The following EXT1 variants were observed in gnomAD, a reference collection of about 807,000 sequenced individuals.
EXT1 encodes the protein exostosin-1.
Under a neutral mutation model 82.5 loss-of-function variants are expected in EXT1, and 20 were observed. That is an observed-to-expected ratio of 0.24 (90% CI 0.17 to 0.35). EXT1 has a LOEUF of 0.35. Among genes scored for constraint, EXT1 ranks in the 10% least tolerant of loss-of-function variants. The probability of loss-of-function intolerance (pLI) is 1.00; values close to 1 mark genes in which losing one functional copy is unlikely to be tolerated. For missense variants in EXT1, 757 were observed against 936.5 expected (o/e 0.81, Z 2.50); for synonymous variants, 348 against 350.8 (o/e 0.99, Z 0.09).
At chr8:117,834,736 T>G (rs1355746074) in intron 3 of EXT1, among the ~76,000 whole-genome samples, 13 of 152,102 alleles carry the variant, frequency 8.5e-5, no homozygotes, top group Non-Finnish European at 1.9e-4. Context: ...AGATAAAGTG[T>G]ATGGTACAAC....
chr8:117,921,539 T>G (rs1813855052), intron 1 of EXT1, among the ~76,000 whole-genome samples: 3 of 152,198 alleles, frequency 2.0e-5, no homozygotes. Flanking sequence ...TCAGACAACT[T>G]CATGAGGTTA....
intron 8 of EXT1, among the ~76,000 whole-genome samples, chr8:117,810,807 TG>T (rs1225152064): frequency 6.6e-6 from 1 of 152,150 alleles, no homozygotes; most frequent in Non-Finnish European, 1.5e-5. Context: ...CTGCATCACC[TG>T]GTTGGGTTAG....
rs537240280 is a variant in EXT1, at chr8:118,031,806, C to T, written c.962+78279G>A. Among the ~76,000 whole-genome samples the T allele has an allele frequency of 1.4e-4, 21 of 152,144 alleles. No individual in the cohort carries two copies. In the South Asian group the frequency reaches 3.5e-3, roughly 26 times the overall value. Reference sequence around the variant, plus strand: ...TTAAATTTCAACCTGACCTTTAACGCCTCCTTATGACTCAGTGGTGTACTG... The same window carrying T: ...TTAAATTTCAACCTGACCTTTAACGTCTCCTTATGACTCAGTGGTGTACTG... On this transcript the variant is annotated intron_variant, in intron 1 of 10. Coordinates refer to ENST00000378204, the MANE Select transcript of EXT1 (RefSeq NM_000127.3).
chr8:117,806,143 C>G (rs1349883384), intron 9 of EXT1, among the ~76,000 whole-genome samples: 1 of 152,176 alleles, frequency 6.6e-6, no homozygotes. Flanking sequence ...CTTCCTGGTC[C>G]CAGGATCCCA....
Position 118,111,178 on chromosome 8 carries a change from G to A in EXT1, c.-132C>T, listed in dbSNP as rs1428024714. ...CAAACTCTCCGCTCCCACCTTCTCT[G>A]GATGCCTTTCCCCAAGCCGTGGACT... is the stretch of plus-strand genomic sequence containing the variant. On this transcript the variant is annotated 5_prime_UTR_variant, in exon 1 of 11. Transcript: ENST00000378204. 3 of 1,309,714 alleles carry A rather than the reference G, an allele frequency of 2.3e-6. No homozygotes were observed. The highest frequency in any genetic ancestry group is 3.2e-6 in the Non-Finnish European group (3 of 942,750). 81.1% of individuals were successfully genotyped at this position (1,309,714 alleles called of 1,614,324 possible).
chr8:118,097,890 A>G (rs375715958), intron 1 of EXT1, among the ~76,000 whole-genome samples: 3 of 152,202 alleles, frequency 2.0e-5, no homozygotes, highest in Non-Finnish European at 2.9e-5. Flanking sequence ...TAAATGTTCT[A>G]TATGAGCACA....
intron 1 of EXT1, among the ~76,000 whole-genome samples, chr8:117,945,514 A>G (rs976763472): frequency 7.9e-5 from 12 of 151,848 alleles, no homozygotes; most frequent in African/African-American, 2.9e-4. Flanking sequence ...ATTTTATTTT[A>G]TTTTTGAGAT....
At chr8:118,032,364 G>A (rs1368577142) in intron 1 of EXT1, among the ~76,000 whole-genome samples, 3 of 151,842 alleles carry the variant, frequency 2.0e-5, no homozygotes, top group African/African-American at 7.3e-5. Flanking sequence ...TCCCCCAGGG[G>A]ATTCCGAGGC....
At chr8:117,830,384 T>C in intron 3 of EXT1, 35 bp from the exon 4 acceptor site, 2 of 1,609,956 alleles carry the variant, frequency 1.2e-6, no homozygotes, top group East Asian at 4.5e-5. Context: ...GAATTATAAC[T>C]GTAAAACAAA....
intron 1 of EXT1, among the ~76,000 whole-genome samples, chr8:117,959,919 T>C (rs1052809460): frequency 6.6e-6 from 1 of 152,172 alleles, no homozygotes; most frequent in Non-Finnish European, 1.5e-5. Flanking sequence ...GATTGGCACA[T>C]AATAAATACC....
chr8:118,068,748 G>C (rs555999148), intron 1 of EXT1, among the ~76,000 whole-genome samples: 1 of 152,290 alleles, frequency 6.6e-6, no homozygotes, highest in East Asian at 1.9e-4. Flanking sequence ...ACACCTGCCT[G>C]ATAGACAATA....
intron 1 of EXT1, among the ~76,000 whole-genome samples, chr8:117,950,348 C>G (rs1290664343): frequency 1.3e-5 from 2 of 152,326 alleles, no homozygotes; most frequent in East Asian, 3.9e-4. Context: ...TTTCGACCAG[C>G]AGCTATTTCA....
At chr8:117,926,292 TG>T (rs1336900212) in intron 1 of EXT1, among the ~76,000 whole-genome samples, 1 of 152,230 alleles carries the variant, frequency 6.6e-6, no homozygotes, top group East Asian at 1.9e-4. Flanking sequence ...ACAGATGTAT[TG>T]GCCCTGAAAT....
At chr8:117,992,959 T>C (rs1815466153) in intron 1 of EXT1, among the ~76,000 whole-genome samples, 1 of 152,226 alleles carries the variant, frequency 6.6e-6, no homozygotes, top group Non-Finnish European at 1.5e-5. Context: ...GACAGCATCT[T>C]AGCTGATTTC....
At chr8:118,073,630 G>GAAAGAAGAGA in intron 1 of EXT1, among the ~76,000 whole-genome samples, 1 of 123,444 alleles carries the variant, frequency 8.1e-6, no homozygotes, top group African/African-American at 4.0e-5. Flanking sequence ...GAAGAGAAGA[G>GAAAGAAGAGA]AAAGAAGAGA....
chr8:117,939,663 G>A (rs1179201908), intron 1 of EXT1, among the ~76,000 whole-genome samples: 2 of 152,026 alleles, frequency 1.3e-5, no homozygotes, highest in African/African-American at 2.4e-5. Flanking sequence ...ATAACTAATG[G>A]AGCTGGAATT....
chr8:117,941,232 A>G (rs1326336743), intron 1 of EXT1, among the ~76,000 whole-genome samples: 1 of 152,228 alleles, frequency 6.6e-6, no homozygotes, highest in Admixed American at 6.5e-5. Flanking sequence ...TCCAGGCATG[A>G]ATATCTGATG....
At chr8:117,859,190 CTT>C (rs1356603346) in intron 1 of EXT1, among the ~76,000 whole-genome samples, 1 of 152,134 alleles carries the variant, frequency 6.6e-6, no homozygotes, top group Non-Finnish European at 1.5e-5. Flanking sequence ...TTATTGTGCT[CTT>C]TGTTTTATTT....
At chr8:117,913,890 A>G (rs979699274) in intron 1 of EXT1, among the ~76,000 whole-genome samples, 3 of 152,194 alleles carry the variant, frequency 2.0e-5, no homozygotes, top group African/African-American at 7.2e-5. Context: ...GAATATGGGA[A>G]AGATTAGGCA....
Sources: allele counts gnomAD v4.1 joint callset (sites outside exome capture counted in the v4.1 genomes callset), GRCh38; gene constraint gnomAD v4.1.1; transcripts MANE v1.5; gene names NCBI Gene and HGNC (gene_info 2026-07-23, HGNC 2026-07-21).